Variants in FAAH2 observed in about 807,000 individuals in gnomAD.
FAAH2 encodes fatty acid amide hydrolase 2, also known as fatty-acid amide hydrolase 2.
A neutral mutation model predicts 36.9 loss-of-function variants in FAAH2; 60 were observed. The observed-to-expected ratio is 1.63, with a 90% CI of 1.32 to 2.02. FAAH2 has a LOEUF of 2.02. Ranked by LOEUF, FAAH2 falls within the 30% of genes most tolerant of loss-of-function variation. The probability of loss-of-function intolerance (pLI) is 0.00; values close to 1 mark genes in which losing one functional copy is unlikely to be tolerated. For missense variants in FAAH2, 689 were observed against 397.5 expected (o/e 1.73, Z -6.23); for synonymous variants, 214 against 143.8 (o/e 1.49, Z -3.49).
intron 3 of FAAH2, among the ~76,000 whole-genome samples, chrX:57,323,957 G>C (rs1314360776): frequency 3.6e-5 from 4 of 110,787 alleles, no homozygotes; most frequent in South Asian, 3.8e-4. Flanking sequence ...TTTCTTCTAG[G>C]GTTTTTATGG....
intron 7 of FAAH2, among the ~76,000 whole-genome samples, chrX:57,399,588 C>T (rs888009686): frequency 9.0e-6 from 1 of 111,275 alleles, no homozygotes. Flanking sequence ...GCTTCAATAT[C>T]CACTTGGCGG....
intron 2 of FAAH2, among the ~76,000 whole-genome samples, chrX:57,298,772 A>C (rs2052230583): frequency 2.4e-5 from 2 of 83,940 alleles, no homozygotes; most frequent in African/African-American, 4.4e-5. Context: ...GACAAAGGGC[A>C]TGTCACCACT....
At chrX:57,261,686 G>A in the FAAH2 span, among the ~76,000 whole-genome samples, 39,810 of 108,846 alleles carry the variant, frequency 0.37, 6,320 homozygotes, top group Middle Eastern at 0.61. Context: ...TGGAATATAC[G>A]GAACATGAAA....
At chrX:57,270,419 GA>G in the FAAH2 span, among the ~76,000 whole-genome samples, 1 of 111,977 alleles carries the variant, frequency 8.9e-6, no homozygotes, top group African/African-American at 3.2e-5. Flanking sequence ...AACAAAAAAA[GA>G]AAACTTCAGG....
chrX:57,464,318 A>T (rs2057011766), intron 10 of FAAH2, among the ~76,000 whole-genome samples: 1 of 111,035 alleles, frequency 9.0e-6, no homozygotes. Context: ...CGGGGCTTAA[A>T]ACCTAAATGA....
the FAAH2 span, among the ~76,000 whole-genome samples, chrX:57,184,680 T>C: frequency 8.9e-6 from 1 of 112,283 alleles, no homozygotes; most frequent in Non-Finnish European, 1.9e-5. Context: ...CTTCCATAAC[T>C]ATGAAGAAGT....
At chrX:57,395,096 C>G (rs1056201143) in intron 7 of FAAH2, 7 of 544,688 alleles carry the variant, frequency 1.3e-5, no homozygotes, top group African/African-American at 4.5e-5. Flanking sequence ...AGTGTATTGT[C>G]TGAGTCTAGA....
the FAAH2 span, among the ~76,000 whole-genome samples, chrX:57,201,612 G>A: frequency 0.03 from 3,374 of 111,028 alleles, 111 homozygotes; most frequent in African/African-American, 0.11. Context: ...TAACCTTTTT[G>A]TAGGCAACAT....
chrX:57,359,638 A>T (rs1366455175), intron 5 of FAAH2, among the ~76,000 whole-genome samples: 2 of 111,919 alleles, frequency 1.8e-5, no homozygotes, highest in African/African-American at 6.5e-5. Flanking sequence ...TATATTGTGC[A>T]TCTGGTATCA....
the FAAH2 span, among the ~76,000 whole-genome samples, chrX:57,220,284 T>C: frequency 9.2e-6 from 1 of 108,591 alleles, no homozygotes; most frequent in Non-Finnish European, 1.9e-5. Context: ...CACTTATTTT[T>C]CTACACCGTC....
intron 3 of FAAH2, among the ~76,000 whole-genome samples, chrX:57,317,786 T>C (rs773719856): frequency 9.0e-6 from 1 of 111,555 alleles, no homozygotes; most frequent in East Asian, 2.8e-4. Context: ...CCTTAGCAAA[T>C]GCAAAATAAT....
At chrX:57,168,407 CACACAA>C in the FAAH2 span, among the ~76,000 whole-genome samples, 1 of 111,664 alleles carries the variant, frequency 9.0e-6, no homozygotes, top group East Asian at 2.8e-4. Flanking sequence ...CACACACACA[CACACAA>C]ACACACATTT....
At chrX:57,251,015 A>G in the FAAH2 span, among the ~76,000 whole-genome samples, 15 of 111,968 alleles carry the variant, frequency 1.3e-4, no homozygotes, top group African/African-American at 4.9e-4. Flanking sequence ...TTGCAAGGCC[A>G]GTATTAGTCC....
chrX:57,415,475 G>T (rs1328109398), intron 7 of FAAH2, among the ~76,000 whole-genome samples: 2 of 111,514 alleles, frequency 1.8e-5, no homozygotes, highest in South Asian at 3.7e-4. Context: ...CTTTAATTTT[G>T]TTATTTTCCC....
chrX:57,149,352 C>T, the FAAH2 span, among the ~76,000 whole-genome samples: 2 of 111,355 alleles, frequency 1.8e-5, no homozygotes, highest in Admixed American at 9.5e-5. Context: ...CTTCTTGTAC[C>T]CCTGGTAGAA....
chrX:57,457,374 C>T (rs1280540006), intron 10 of FAAH2, among the ~76,000 whole-genome samples: 1 of 110,937 alleles, frequency 9.0e-6, no homozygotes, highest in East Asian at 2.8e-4. Context: ...GAACGGTTCC[C>T]CTTGGGAACT....
chrX:57,182,995 G>GAC, the FAAH2 span, among the ~76,000 whole-genome samples: 26 of 108,174 alleles, frequency 2.4e-4, no homozygotes, highest in South Asian at 7.8e-4. Context: ...AAATGATGAG[G>GAC]ACACACACAC....
chrX:57,235,227 A>G, the FAAH2 span, among the ~76,000 whole-genome samples: 1 of 111,002 alleles, frequency 9.0e-6, no homozygotes, highest in South Asian at 3.9e-4. Flanking sequence ...GTGAGCTGCA[A>G]TTGTCTCGAT....
intron 9 of FAAH2, among the ~76,000 whole-genome samples, chrX:57,448,113 T>A (rs1415197963): frequency 9.0e-6 from 1 of 111,175 alleles, no homozygotes; most frequent in Non-Finnish European, 1.9e-5. Flanking sequence ...CCTCAACTCC[T>A]AAGTTGCTGG....
Sources: gnomAD v4.1 joint callset for allele counts (sites outside exome capture counted in the v4.1 genomes callset) on GRCh38, gnomAD v4.1.1 for gene constraint, MANE v1.5 for transcripts, NCBI Gene and HGNC (gene_info 2026-07-23, HGNC 2026-07-21) for gene names.